Variants in DOCK8 observed in about 807,000 individuals in gnomAD.
DOCK8 encodes the protein dedicator of cytokinesis protein 8.
A neutral mutation model predicts 245.6 loss-of-function variants in DOCK8; 141 were observed. The observed-to-expected ratio is 0.57, with a 90% CI of 0.50 to 0.66. The LOEUF (loss-of-function observed/expected upper bound fraction) is 0.66. Among genes scored for constraint, DOCK8 ranks in the 30% least tolerant of loss-of-function variants. DOCK8 has a pLI of 0.00. For synonymous variants in DOCK8, 1,168 were observed against 970.2 expected, an observed-to-expected ratio of 1.20 and a Z score of -3.79; for missense variants, 2,965 against 2,603.4, an observed-to-expected ratio of 1.14 and a Z score of -3.02.
intron 1 of DOCK8, among the ~76,000 whole-genome samples, chr9:264,357 G>A (rs1476065537): frequency 1.3e-5 from 2 of 152,226 alleles, no homozygotes; most frequent in African/African-American, 4.8e-5. Flanking sequence ...CAGTGAAAGG[G>A]ATTTGGGACA....
intron 46 of DOCK8, among the ~76,000 whole-genome samples, chr9:457,467 A>C (rs780274283): frequency 2.0e-5 from 3 of 152,220 alleles, no homozygotes; most frequent in Non-Finnish European, 4.4e-5. Flanking sequence ...TAGGGGACTG[A>C]TGGATTTGAG....
chr9:446,733 T>C, intron 44 of DOCK8, 127 bp downstream of exon 44: 1 of 838,974 alleles, frequency 1.2e-6, no homozygotes, highest in Non-Finnish European at 2.0e-6. Flanking sequence ...AATATGATTA[T>C]ATGGTTGTCC....
rs777075220 is a variant in DOCK8, at chr9:312,015, G to C, written c.590G>C (p.Cys197Ser). The change falls in exon 6 of 48, where the codon TGT becomes TCT. Residue 197 changes from cysteine (C) to serine (S), a missense_variant. By Grantham distance (112) the Cys-to-Ser change is moderately radical. Around this residue, in one of 3 missense-constraint regions of DOCK8, gnomAD observed 2,825 missense variants for 2,453.5 expected, o/e 1.15. Coordinates refer to ENST00000432829, the MANE Select transcript of DOCK8 (RefSeq NM_203447.4). ...TCTGGGAAAGGCCCCGTCACTGCCT[G>C]TGACTTTGACCTCCGCAGCCTGCAG... is the stretch of plus-strand genomic sequence containing the variant. The part of the protein sequence containing the change: ...DVSGKGPVTA[C>S]DFDLRSLQPD... The C allele has an allele frequency of 1.9e-6, 3 of 1,614,076 alleles. No homozygotes were observed. Among genetic ancestry groups the C allele is most frequent in the Admixed American group, 1.7e-5 (1 of 60,002 alleles).
intron 4 of DOCK8, among the ~76,000 whole-genome samples, chr9:303,265 C>A (rs982153474): frequency 7.2e-5 from 11 of 152,096 alleles, no homozygotes; most frequent in Admixed American, 2.0e-4. Flanking sequence ...TACCATTCAA[C>A]CCAGCAATCC....
chr9:312,534 T>G (rs988936082), intron 6 of DOCK8: 1 of 406,368 alleles, frequency 2.5e-6, no homozygotes, highest in Non-Finnish European at 4.8e-6. Flanking sequence ...CATTGAGACA[T>G]ACATTACTTA....
chr9:308,928 A>G (rs530012242), intron 5 of DOCK8, among the ~76,000 whole-genome samples: 8 of 152,226 alleles, frequency 5.3e-5, no homozygotes, highest in Non-Finnish European at 1.0e-4. Context: ...AAGTGCTGAG[A>G]TTACAGGCAT....
At position 359,803 on chromosome 9, in the gene DOCK8, CAAA is replaced by C. The variant is rs67236172; in HGVS notation, c.1680-8196_1680-8194del. On this transcript the variant is annotated intron_variant, in intron 14 of 47. Transcript: ENST00000432829. ...CATCAATTTTTTGGCTCTGTCTTTGCAAAAAAAAAAAAAAAAAAAAATTACAGA... is the reference window on the plus strand; with the variant it reads ...CATCAATTTTTTGGCTCTGTCTTTGCAAAAAAAAAAAAAAAAAATTACAGA... Among the ~76,000 whole-genome samples the C allele has an allele frequency of 6.2e-3, 672 of 108,506 alleles. 4 individuals are homozygous for C. Among genetic ancestry groups the C allele is most frequent in the Middle Eastern group, 0.015 (3 of 204 alleles). 71.2% of individuals were successfully genotyped at this position (108,506 alleles called of 152,430 possible).
In DOCK8 at chr9:214,934, C is replaced by T. The variant is rs752207168; in HGVS notation, c.-43C>T. The T allele has an allele frequency of 4.4e-6, 7 of 1,604,884 alleles. No individual in the cohort carries two copies. Among genetic ancestry groups the T allele is most frequent in the Non-Finnish European group, 5.9e-6 (7 of 1,177,426 alleles). ...CTGCGGCGCGCCAGGCCCCCGCTTTCCGCACCCCGCGACCCTAGAAGCCAC... is the reference window on the plus strand; with the variant it reads ...CTGCGGCGCGCCAGGCCCCCGCTTTTCGCACCCCGCGACCCTAGAAGCCAC... On this transcript the variant is annotated 5_prime_UTR_variant, in exon 1 of 48. Coordinates refer to ENST00000432829, the MANE Select transcript of DOCK8 (RefSeq NM_203447.4).
chr9:360,846 G>A (rs2052694285), intron 14 of DOCK8, among the ~76,000 whole-genome samples: 1 of 152,120 alleles, frequency 6.6e-6, no homozygotes, highest in African/African-American at 2.4e-5. Flanking sequence ...TGGAGCGGGA[G>A]GAATGGAGTG....
At chr9:277,465 A>AGGGGAGGGGAGGGGAGGGGTGGGGAGGG (rs2048395519) in intron 2 of DOCK8, among the ~76,000 whole-genome samples, 1 of 64,648 alleles carries the variant, frequency 1.5e-5, no homozygotes, top group African/African-American at 9.0e-5. Flanking sequence ...AAGAGAGAAG[A>AGGGGAGGGGAGGGGAGGGGTGGGGAGGG]GAAGAGAAGA....
intron 1 of DOCK8, among the ~76,000 whole-genome samples, chr9:244,056 C>G (rs1053589617): frequency 2.0e-5 from 3 of 151,886 alleles, no homozygotes; most frequent in African/African-American, 7.3e-5. Context: ...GGCGTGGCGG[C>G]GACCGCTTGT....
At chr9:296,031 G>A (rs2049247382) in intron 4 of DOCK8, among the ~76,000 whole-genome samples, 1 of 152,176 alleles carries the variant, frequency 6.6e-6, no homozygotes, top group Non-Finnish European at 1.5e-5. Context: ...TACTTGAAAT[G>A]TTTGTGTTAC....
intron 5 of DOCK8, among the ~76,000 whole-genome samples, chr9:307,884 A>G (rs1397975000): frequency 2.0e-5 from 3 of 152,252 alleles, no homozygotes; most frequent in Non-Finnish European, 4.4e-5. Context: ...CTATTCAGCC[A>G]TAAAAAAATG....
rs1228258043 is a variant in DOCK8, at chr9:386,335, C to T, written c.2783C>T (p.Ala928Val). 3 of 1,613,462 alleles carry T rather than the reference C, an allele frequency of 1.9e-6. No homozygotes were observed. The Admixed American group carries it at 5.0e-5, about 27-fold the overall frequency. Reference sequence around the variant, plus strand: ...GCCATGGTTTGTGTATTTTAGATCGCCGATCGCAACTGCAGCCGAATGTCT... The same window carrying T: ...GCCATGGTTTGTGTATTTTAGATCGTCGATCGCAACTGCAGCCGAATGTCT... ...EVKNIMSSKIADRNCSRMSYY... is the reference protein window; with the variant it reads ...EVKNIMSSKIVDRNCSRMSYY... Residue 928 changes from alanine to valine, a missense_variant, in exon 23 of 48, where the codon GCC (alanine) becomes GTC (valine). Ala to Val is a moderately conservative substitution (Grantham distance 64). Transcript: ENST00000432829.
chr9:463,582 A>C lies in DOCK8; in HGVS notation c.6134A>C (p.Glu2045Ala), dbSNP rs775264525. 1.4e-5 allele frequency: 23 copies of C among 1,614,104 alleles called. No individual in the cohort carries two copies. The highest frequency in any genetic ancestry group is 1.9e-5 in the Non-Finnish European group (23 of 1,180,050). Residue 2045 changes from glutamate to alanine, a missense_variant, in exon 47 of 48, where the codon GAA becomes GCA. Transcript: ENST00000432829. The part of the protein sequence containing the change: ...ITADQREYQQ[E>A]LKKNYNKLKE... ...GCAGACCAGAGGGAATATCAGCAGG[A>C]ACTCAAAAAGAACTATAACAAGCTA... is the stretch of plus-strand genomic sequence containing the variant.
chr9:311,749 G>C (rs1214290247), intron 5 of DOCK8, among the ~76,000 whole-genome samples: 1 of 152,208 alleles, frequency 6.6e-6, no homozygotes, highest in East Asian at 1.9e-4. Context: ...GCTTCCAGGT[G>C]AGAAGAAGAC....
At chr9:252,682 T>C (rs1400975951) in intron 1 of DOCK8, among the ~76,000 whole-genome samples, 4 of 151,492 alleles carry the variant, frequency 2.6e-5, no homozygotes, top group Non-Finnish European at 4.4e-5. Context: ...TGCATGCCTG[T>C]AGCCCCAGCT....
Position 240,587 on chromosome 9 carries a change from T to A in DOCK8, c.53+25558T>A, listed in dbSNP as rs532528272. 8.5e-5 allele frequency among the ~76,000 whole-genome samples: 13 copies of A among 152,278 alleles called. No homozygotes were observed. In the East Asian group the frequency reaches 2.3e-3, roughly 27 times the overall value. ...GAGCTATTAATGTATTATGGACAATTTCTTTTTATTGCCAGAGCTACATGT... is the reference window on the plus strand; with the variant it reads ...GAGCTATTAATGTATTATGGACAATATCTTTTTATTGCCAGAGCTACATGT... On this transcript the variant is annotated intron_variant, in intron 1 of 47. Coordinates refer to ENST00000432829, the MANE Select transcript of DOCK8 (RefSeq NM_203447.4).
chr9:433,278 C>A (rs1390196488), intron 37 of DOCK8, among the ~76,000 whole-genome samples: 2 of 152,182 alleles, frequency 1.3e-5, no homozygotes, highest in Non-Finnish European at 2.9e-5. Context: ...ATTTTAGGAG[C>A]CCTGGCAAGC....
Sources: gnomAD v4.1 joint callset for allele counts (sites outside exome capture counted in the v4.1 genomes callset) on GRCh38, gnomAD v4.1.1 for gene constraint, gnomAD v4.1.1 regional missense constraint, MANE v1.5 for transcripts, NCBI Gene and HGNC (gene_info 2026-07-23, HGNC 2026-07-21) for gene names.